CGNL1: variants seen among roughly 807,000 people sequenced by gnomAD.
CGNL1 encodes the protein cingulin like 1, also known as cingulin-like protein 1.
In CGNL1, 132 loss-of-function variants were observed where a neutral mutation model predicts 141.2. The ratio of observed to expected loss-of-function variants is 0.93; its 90% CI spans 0.81 to 1.08. CGNL1 has a LOEUF of 1.08. Ranked by LOEUF, CGNL1 falls within the 50% of genes least tolerant of loss-of-function variation. The pLI, the probability that CGNL1 is intolerant of heterozygous loss-of-function variation, is 0.00. For synonymous variants in CGNL1, 690 were observed against 622.1 expected, an observed-to-expected ratio of 1.11 and a Z score of -1.63; for missense variants, 1,870 against 1,588.6, an observed-to-expected ratio of 1.18 and a Z score of -3.01.
Position 57,384,093 on chromosome 15 carries a change from G to A in CGNL1, c.-16+7526G>A, listed in dbSNP as rs180825030. Among the ~76,000 whole-genome samples, 164 of 151,898 alleles carry A rather than the reference G, an allele frequency of 1.1e-3. No individual in the cohort carries two copies. In the East Asian group the frequency reaches 0.012, roughly 11 times the overall value. ...GGGGTGGGTGGGTTGGGAGGAGAAG[G>A]TAGGGTGAAGGGAGAGGGGAAATAG... is the stretch of plus-strand genomic sequence containing the variant. On this transcript the variant is annotated intron_variant, in intron 1 of 18. Transcript: ENST00000281282.
At position 57,408,038 on chromosome 15, in the gene CGNL1, C is replaced by T. The variant is rs138555386; in HGVS notation, c.-15-29947C>T. Among the ~76,000 whole-genome samples, 148 of 151,866 alleles carry T rather than the reference C, an allele frequency of 9.7e-4. 1 individual carries two copies. In the Middle Eastern group the frequency reaches 0.024, roughly 24 times the overall value. The stretch of plus-strand genomic sequence containing the variant: ...TGCTGGCATTAGAGGTGTGAGCCAC[C>T]GTTACCAGCAGAAAAAAAATTATTC... On this transcript the variant is annotated intron_variant, in intron 1 of 18. Transcript: ENST00000281282.
At chr15:57,413,142 G>A (rs924084753) in intron 1 of CGNL1, among the ~76,000 whole-genome samples, 1 of 151,994 alleles carries the variant, frequency 6.6e-6, no homozygotes, top group Non-Finnish European at 1.5e-5. Context: ...TAGGGCGTGA[G>A]CCACCACACC....
chr15:57,550,116 T>C lies in CGNL1; in HGVS notation c.*2626T>C, dbSNP rs17820437. The C allele has an allele frequency of 0.18, 27,191 of 152,272 alleles. 2,533 individuals carry two copies. The highest frequency in any genetic ancestry group is 0.21 in the Admixed American group (3,218 of 15,300). The allele number at this position is 152,272 out of a possible 1,614,324, so 9.4% of individuals were successfully genotyped here. On this transcript the variant is annotated 3_prime_UTR_variant, in exon 19 of 19. Coordinates refer to ENST00000281282, the MANE Select transcript of CGNL1 (RefSeq NM_032866.5). The stretch of plus-strand genomic sequence containing the variant: ...TTTCAAAACACTTGCATCATTACCC[T>C]AAAAATAGGCTGTTATGCGTTTTGA...
intron 14 of CGNL1, 131 bp from the exon 15 acceptor site, chr15:57,543,565 G>T: frequency 1.4e-6 from 1 of 722,648 alleles, no homozygotes; most frequent in Admixed American, 2.5e-5. Context: ...AGAGCAGATG[G>T]CACGAGGGGC....
rs2140266176 is a variant in CGNL1, at chr15:57,547,615, C to G, written c.*125C>G. 2 of 1,097,924 alleles carry G rather than the reference C, an allele frequency of 1.8e-6. No individual in the cohort carries two copies. The highest frequency in any genetic ancestry group is 2.6e-6 in the Non-Finnish European group (2 of 766,286). 68.0% of individuals were successfully genotyped at this position (1,097,924 alleles called of 1,614,324 possible). A position where few individuals can be genotyped will look rare whatever the true frequency, so the allele number is the denominator to read the frequency against. ...AATCACAGCCTCTTTGCACAGCATG[C>G]CAGCTCCTCAGTGTTACATTCCTCG... On this transcript the variant is annotated 3_prime_UTR_variant, in exon 19 of 19. Transcript: ENST00000281282.
At chr15:57,530,077 A>G (rs1332798678) in intron 13 of CGNL1, among the ~76,000 whole-genome samples, 5 of 152,264 alleles carry the variant, frequency 3.3e-5, no homozygotes, top group African/African-American at 9.6e-5. Context: ...AAACAAGCTA[A>G]AGCCCCTTCA....
intron 8 of CGNL1, among the ~76,000 whole-genome samples, chr15:57,497,349 G>A (rs2063954881): frequency 6.6e-6 from 1 of 151,456 alleles, no homozygotes; most frequent in South Asian, 2.1e-4. Context: ...TTAGATTGGA[G>A]TGGGAACTGG....
intron 8 of CGNL1, among the ~76,000 whole-genome samples, chr15:57,467,108 G>T (rs2063519420): frequency 6.6e-6 from 1 of 152,162 alleles, no homozygotes; most frequent in Admixed American, 6.5e-5. Flanking sequence ...CTGAGCAACT[G>T]CCAAGTACAG....
At chr15:57,471,041 G>C (rs1310240445) in intron 8 of CGNL1, among the ~76,000 whole-genome samples, 2 of 152,222 alleles carry the variant, frequency 1.3e-5, no homozygotes, top group Non-Finnish European at 2.9e-5. Flanking sequence ...TGAAACTCAA[G>C]AGTTAACAAT....
At chr15:57,513,492 A>G (rs934975616) in intron 8 of CGNL1, among the ~76,000 whole-genome samples, 8 of 152,086 alleles carry the variant, frequency 5.3e-5, no homozygotes, top group Admixed American at 1.3e-4. Context: ...TGCTATAAAC[A>G]TTCATGTACA....
At position 57,545,838 on chromosome 15, in the gene CGNL1, T is replaced by C. The variant is rs555868343; in HGVS notation, c.3609+138T>C. 14 of 780,092 alleles carry C rather than the reference T, an allele frequency of 1.8e-5. No individual in the cohort carries two copies. In the South Asian group the frequency reaches 2.5e-4, roughly 14 times the overall value. 48.3% of individuals were successfully genotyped at this position (780,092 alleles called of 1,614,324 possible). The stretch of plus-strand genomic sequence containing the variant: ...CTCCCTTTCCACGCACCCAGTCACA[T>C]CATCAAATGGGGGCTTCTTGCCTAC... On this transcript the variant is annotated intron_variant, in intron 17 of 18. Transcript: ENST00000281282.
intron 14 of CGNL1, among the ~76,000 whole-genome samples, chr15:57,537,432 T>G (rs1279484940): frequency 2.1e-4 from 31 of 150,862 alleles, no homozygotes; most frequent in African/African-American, 7.3e-4. Flanking sequence ...CAGAGGGGGG[T>G]TTTCTTCTTC....
rs60982599 is a variant in CGNL1 at position 57,470,256 on chromosome 15, C to CTTTTTTTTTT, written c.2403+8370_2403+8379dup. ...AAAAGATCTCTTTTTTTTTGTCTCT[C>CTTTTTTTTTT]TTTTTTTTTTTTTTTGCCTGCCCCA... On this transcript the variant is annotated intron_variant, in intron 8 of 18. Coordinates refer to ENST00000281282, the MANE Select transcript of CGNL1 (RefSeq NM_032866.5). 6.3e-3 allele frequency among the ~76,000 whole-genome samples: 715 copies of CTTTTTTTTTT among 113,820 alleles called. 20 individuals are homozygous for CTTTTTTTTTT. The highest frequency in any genetic ancestry group is 7.2e-3 in the Non-Finnish European group (420 of 58,724). The allele number at this position is 113,820 out of a possible 152,430, so 74.7% of individuals were successfully genotyped here. A position where few individuals can be genotyped will look rare whatever the true frequency, so the allele number is the denominator to read the frequency against.
At chr15:57,385,115 C>A (rs146605839) in intron 1 of CGNL1, among the ~76,000 whole-genome samples, 5 of 152,228 alleles carry the variant, frequency 3.3e-5, no homozygotes, top group African/African-American at 9.6e-5. Context: ...TTGTTCGGGG[C>A]TGCTCTTGTC....
At chr15:57,457,760 C>T (rs1464142369) in intron 7 of CGNL1, among the ~76,000 whole-genome samples, 1 of 152,146 alleles carries the variant, frequency 6.6e-6, no homozygotes, top group Non-Finnish European at 1.5e-5. Context: ...GGAAGCCACC[C>T]CCATGGTTCC....
At chr15:57,497,096 G>A (rs1478579510) in intron 8 of CGNL1, among the ~76,000 whole-genome samples, 1 of 152,198 alleles carries the variant, frequency 6.6e-6, no homozygotes, top group Non-Finnish European at 1.5e-5. Flanking sequence ...GTGTTTGGCG[G>A]TATGGGGATG....
chr15:57,544,171 G>A (rs76678163), intron 15 of CGNL1, among the ~76,000 whole-genome samples: 1 of 152,222 alleles, frequency 6.6e-6, no homozygotes, highest in Non-Finnish European at 1.5e-5. Context: ...CTGTCCCCCT[G>A]TAGGTTTATA....
chr15:57,401,257 G>A (rs1307409779), intron 1 of CGNL1, among the ~76,000 whole-genome samples: 1 of 152,128 alleles, frequency 6.6e-6, no homozygotes, highest in Non-Finnish European at 1.5e-5. Context: ...TCATATATAA[G>A]TATTTGTACT....
chr15:57,387,359 C>T (rs2062495314), intron 1 of CGNL1, among the ~76,000 whole-genome samples: 1 of 152,186 alleles, frequency 6.6e-6, no homozygotes, highest in Non-Finnish European at 1.5e-5. Context: ...AAGTCATGCC[C>T]TGTTTTCAAG....
Sources: gnomAD v4.1 joint callset for allele counts (sites outside exome capture counted in the v4.1 genomes callset) on GRCh38, gnomAD v4.1.1 for gene constraint, MANE v1.5 for transcripts, NCBI Gene and HGNC (gene_info 2026-07-23, HGNC 2026-07-21) for gene names.